Variants in EXD3 observed in about 807,000 individuals in gnomAD.
EXD3 encodes exonuclease mut-7 homolog.
A neutral mutation model predicts 98.0 loss-of-function variants in EXD3; 92 were observed. The observed-to-expected ratio is 0.94, with a 90% CI of 0.79 to 1.12. The LOEUF is 1.12. EXD3 is among the 50% of genes most tolerant of loss of function. The pLI is 0.00. For synonymous variants in EXD3, 569 were observed against 526.0 expected (o/e 1.08, Z -1.12); for missense variants, 1,222 against 1,191.6 (o/e 1.03, Z -0.38).
At chr9:137,308,924 C>T (rs1037307613) in intron 20 of EXD3, among the ~76,000 whole-genome samples, 14 of 152,266 alleles carry the variant, frequency 9.2e-5, no homozygotes, top group Admixed American at 6.5e-4. Flanking sequence ...GGATTACAGG[C>T]GTGAGCCACC....
intron 3 of EXD3, among the ~76,000 whole-genome samples, chr9:137,375,031 C>T (rs756788245): frequency 7.4e-5 from 11 of 149,592 alleles, no homozygotes; most frequent in Non-Finnish European, 1.3e-4. Context: ...TTTTTTGAGA[C>T]GGAGTCTCGC....
At chr9:137,414,067 C>A (rs1477158754) in intron 1 of EXD3, among the ~76,000 whole-genome samples, 1 of 152,126 alleles carries the variant, frequency 6.6e-6, no homozygotes, top group Non-Finnish European at 1.5e-5. Context: ...CAGGCGTCCG[C>A]CACCACGCCC....
At chr9:137,308,563 C>T (rs138044730) in intron 20 of EXD3, among the ~76,000 whole-genome samples, 17 of 151,852 alleles carry the variant, frequency 1.1e-4, no homozygotes, top group South Asian at 4.2e-4. Context: ...CCTCGCTCTC[C>T]GGGGTGTGCT....
rs1834273790 is a variant in EXD3 at position 137,351,106 on chromosome 9, A to G, written c.1426T>C (p.Cys476Arg). 6.3e-7 allele frequency: 1 copy of G among 1,584,746 alleles called. No homozygotes were observed. The highest frequency in any genetic ancestry group is 1.2e-5 in the South Asian group (1 of 86,700). The part of the protein sequence containing the change: ...VGDLQKLGTS[C>R]PALAHVEKQI... ...TTCTCCACATGGGCCAGGGCGGGGC[A>G]GGACGTGCCCAGTTTTTGCAGGTCC... The change falls in exon 14 of 22, where the codon TGC becomes CGC. Residue 476 changes from cysteine (C) to arginine (R), a missense_variant. Coordinates refer to ENST00000340951, the MANE Select transcript of EXD3 (RefSeq NM_017820.5).
At chr9:137,416,178 C>T (rs1396898233) in intron 1 of EXD3, among the ~76,000 whole-genome samples, 2 of 152,178 alleles carry the variant, frequency 1.3e-5, no homozygotes, top group Admixed American at 6.5e-5. Context: ...ACAGCCAGGG[C>T]TTTCGCTCTT....
At chr9:137,367,578 T>C (rs933388212) in intron 6 of EXD3, 8 of 232,928 alleles carry the variant, frequency 3.4e-5, no homozygotes, top group African/African-American at 1.4e-4. Flanking sequence ...CCCAGCCCAC[T>C]GCACGGTGGA....
rs1288555862 is a variant in EXD3 at position 137,383,369 on chromosome 9, G to T, written c.64C>A (p.Pro22Thr). 4.5e-6 allele frequency: 7 copies of T among 1,549,872 alleles called. No individual in the cohort carries two copies. The highest frequency in any genetic ancestry group is 6.1e-6 in the Non-Finnish European group (7 of 1,146,474). ...AGERHRMGRDPLLLLQALQTL... is the reference protein window; with the variant it reads ...AGERHRMGRDTLLLLQALQTL... Reference sequence around the variant, plus strand: ...TGCAGGGCCTGCAGGAGCAGGAGGGGGTCCCGGCCTGTGGAGATAAGATAA... The same window carrying T: ...TGCAGGGCCTGCAGGAGCAGGAGGGTGTCCCGGCCTGTGGAGATAAGATAA... The change falls in exon 3 of 22, where the codon CCC becomes ACC. Residue 22 changes from proline (P) to threonine (T), a missense_variant. Physicochemically the swap from Pro to Thr is conservative, Grantham distance 38 (BLOSUM62 -1). Transcript: ENST00000340951.
chr9:137,367,834 C>G, intron 6 of EXD3, 102 bp downstream of exon 6: 2 of 1,179,760 alleles, frequency 1.7e-6, no homozygotes, highest in Non-Finnish European at 2.4e-6. Context: ...CTGTCCCCCA[C>G]TGTGGCTTGG....
In EXD3 at chr9:137,324,924, C is replaced by T. The variant is rs958373379; in HGVS notation, c.1999-781G>A. ...AGCCAGGATGGTCTCGATCTCCTGA[C>T]CTCGTGATCTGCCCGCCTCGGCCTC... On this transcript the variant is annotated intron_variant, in intron 17 of 21. Transcript: ENST00000340951. The surrounding 1 kb of genome is among the most constrained non-coding windows in gnomAD (Gnocchi z 4.1). Among the ~76,000 whole-genome samples, 2 of 152,076 alleles carry T rather than the reference C, an allele frequency of 1.3e-5. No homozygotes were observed. Among genetic ancestry groups the T allele is most frequent in the African/African-American group, 4.8e-5 (2 of 41,388 alleles).
chr9:137,353,497 C>T, intron 10 of EXD3: 25 of 987,712 alleles, frequency 2.5e-5, no homozygotes, highest in Non-Finnish European at 3.0e-5. Flanking sequence ...GGCACCCATT[C>T]ACCCATGGCC....
rs1834500696 is a variant in EXD3, at chr9:137,354,440, T to G, written c.832-63A>C. ...CTCCAGAGGCTGTATCGGGGCCTGG[T>G]GGGAGTTTTCCTCGACCCCTGGCAG... On this transcript the variant is annotated intron_variant, in intron 9 of 21. Coordinates refer to ENST00000340951, the MANE Select transcript of EXD3 (RefSeq NM_017820.5). 5.0e-6 allele frequency: 8 copies of G among 1,607,762 alleles called. 1 individual carries two copies. The South Asian group carries it at 6.6e-5, about 13-fold the overall frequency.
At chr9:137,355,405 CCT>C (rs1052333974) in intron 8 of EXD3, among the ~76,000 whole-genome samples, 3 of 65,308 alleles carry the variant, frequency 4.6e-5, no homozygotes, top group Admixed American at 1.9e-4. Flanking sequence ...GACCATCTGC[CCT>C]GAGGCAGGGA....
At chr9:137,327,027 T>C (rs1832444034) in intron 17 of EXD3, among the ~76,000 whole-genome samples, 1 of 151,930 alleles carries the variant, frequency 6.6e-6, no homozygotes. Context: ...ACTATATGAT[T>C]CCACGTCTAC....
chr9:137,368,439 G>A lies in EXD3; in HGVS notation c.463-450C>T, dbSNP rs958739648. Among the ~76,000 whole-genome samples the A allele has an allele frequency of 2.6e-5, 4 of 152,196 alleles. No individual in the cohort carries two copies. The South Asian group carries it at 6.2e-4, about 24-fold the overall frequency. ...AAGGCTGAGGACCCCCAGCCTCAGC[G>A]CATCCTGAGGCCTGGGGGGTCCTAG... On this transcript the variant is annotated intron_variant, in intron 5 of 21. Coordinates refer to ENST00000340951, the MANE Select transcript of EXD3 (RefSeq NM_017820.5).
chr9:137,416,262 C>T (rs763652909), intron 1 of EXD3, among the ~76,000 whole-genome samples: 61 of 152,212 alleles, frequency 4.0e-4, no homozygotes, highest in Non-Finnish European at 7.3e-4. Context: ...GGGCACTGCA[C>T]GTCTCAGTCC....
chr9:137,419,865 T>C (rs1367983319), intron 1 of EXD3, among the ~76,000 whole-genome samples: 1 of 148,730 alleles, frequency 6.7e-6, no homozygotes, highest in Non-Finnish European at 1.5e-5. Context: ...CCCAACATCA[T>C]ACAGAAAAAA....
At chr9:137,368,164 G>A (rs537794882) in intron 5 of EXD3, among the ~76,000 whole-genome samples, 175 bp from the exon 6 acceptor site, 2 of 152,286 alleles carry the variant, frequency 1.3e-5, no homozygotes, top group South Asian at 2.1e-4. Context: ...TGGCAGACAA[G>A]CCCCCCCGTG....
At chr9:137,381,415 CAAAAAAAAAAA>C (rs61183889) in intron 3 of EXD3, among the ~76,000 whole-genome samples, 33 of 50,840 alleles carry the variant, frequency 6.5e-4, no homozygotes, top group Non-Finnish European at 9.6e-4. Flanking sequence ...GACTCCTTCT[CAAAAAAAAAAA>C]AAAAAAAAAA....
chr9:137,356,238 G>T, intron 8 of EXD3, 30 bp downstream of exon 8: 1 of 1,528,362 alleles, frequency 6.5e-7, no homozygotes. Flanking sequence ...TCCCTGGCCT[G>T]TGGGGCAGGA....
Sources: gnomAD v4.1 joint callset for allele counts (sites outside exome capture counted in the v4.1 genomes callset) on GRCh38, gnomAD v4.1.1 for gene constraint, Gnocchi (gnomAD v3.1) non-coding constraint, MANE v1.5 for transcripts, NCBI Gene and HGNC (gene_info 2026-07-23, HGNC 2026-07-21) for gene names.